PHACTR4: variants seen among roughly 807,000 people sequenced by gnomAD.
PHACTR4 encodes the protein protein phosphatase 1, regulatory subunit 124.
A neutral mutation model predicts 72.7 loss-of-function variants in PHACTR4; 51 were observed. The observed-to-expected ratio is 0.70, with a 90% CI of 0.56 to 0.89. The LOEUF (loss-of-function observed/expected upper bound fraction) is 0.89, where lower values mean the gene tolerates loss of function less well. Among genes scored for constraint, PHACTR4 ranks in the 40% least tolerant of loss-of-function variants. PHACTR4 has a pLI of 0.00. For missense variants in PHACTR4, 731 were observed against 861.8 expected (o/e 0.85, Z 1.90); for synonymous variants, 255 against 302.5 (o/e 0.84, Z 1.63).
intron 1 of PHACTR4, among the ~76,000 whole-genome samples, chr1:28,395,518 C>A (rs1329890954): frequency 2.0e-5 from 3 of 151,836 alleles, no homozygotes; most frequent in African/African-American, 4.8e-5. Context: ...CTATGTTTAA[C>A]AAAGAGGAGG....
chr1:28,451,468 A>G (rs977581960), intron 2 of PHACTR4, among the ~76,000 whole-genome samples: 2 of 145,148 alleles, frequency 1.4e-5, no homozygotes, highest in East Asian at 2.1e-4. Context: ...CACAGGTGCA[A>G]TGATACATAT....
At position 28,369,812 on chromosome 1, in the gene PHACTR4, C is replaced by T. The variant is rs563471550; in HGVS notation, c.-52C>T. The T allele has an allele frequency of 6.3e-5, 29 of 458,216 alleles. No homozygotes were observed. Among genetic ancestry groups the T allele is most frequent in the Non-Finnish European group, 1.2e-4 (27 of 229,192 alleles). The allele number at this position is 458,216 out of a possible 1,614,324, so 28.4% of individuals were successfully genotyped here. The stretch of plus-strand genomic sequence containing the variant: ...GCTGCTGTGGAGGCTGAGGAGGCGG[C>T]GGCGGAGATCTGGGTAAGTTCAGCG... On this transcript the variant is annotated 5_prime_UTR_variant, in exon 1 of 14. Transcript: ENST00000373839.
chr1:28,473,751 C>T lies in PHACTR4; in HGVS notation c.1021C>T (p.Arg341Cys), dbSNP rs139921539. ...GSELLPMISP[R>C]SPSPPLPTHI... ...GGAACTACTACCAATGATCTCACCTCGCTCTCCGTCCCCCCCACTGCCTAC... is the reference window on the plus strand; with the variant it reads ...GGAACTACTACCAATGATCTCACCTTGCTCTCCGTCCCCCCCACTGCCTAC... Residue 341 changes from arginine to cysteine, a missense_variant, in exon 7 of 14, where the codon CGC (arginine) becomes TGC (cysteine). Physicochemically the swap from Arg to Cys is radical, Grantham distance 180. This residue lies in a region of PHACTR4 where 621 missense variants were observed against 676.6 expected (regional missense o/e 0.92). Transcript: ENST00000373839. 315 of 1,614,098 alleles carry T rather than the reference C, an allele frequency of 2.0e-4. 4 individuals carry two copies. In the East Asian group the frequency reaches 6.5e-3, roughly 33 times the overall value.
At chr1:28,475,285 T>C (rs1659852146) in intron 7 of PHACTR4, among the ~76,000 whole-genome samples, 1 of 152,120 alleles carries the variant, frequency 6.6e-6, no homozygotes, top group East Asian at 1.9e-4. Context: ...ATTTTTTTTT[T>C]TTCATGGAGA....
At chr1:28,411,549 T>A (rs568544626) in intron 2 of PHACTR4, among the ~76,000 whole-genome samples, 105 of 152,352 alleles carry the variant, frequency 6.9e-4, no homozygotes, top group Non-Finnish European at 1.3e-3. Flanking sequence ...GATAAGAATT[T>A]GGTGTACTCA....
chr1:28,378,580 C>CCTT (rs1553181675), intron 1 of PHACTR4, among the ~76,000 whole-genome samples: 1 of 63,542 alleles, frequency 1.6e-5, no homozygotes, highest in African/African-American at 4.8e-5. Flanking sequence ...CCCCCCCCCC[C>CCTT]TTTTTTTTTA....
At chr1:28,454,401 C>G (rs1038580781) in intron 2 of PHACTR4, among the ~76,000 whole-genome samples, 257 of 151,402 alleles carry the variant, frequency 1.7e-3, no homozygotes, top group Non-Finnish European at 2.8e-3. Flanking sequence ...CTCAGCCTCC[C>G]TAGTAGCTGG....
intron 2 of PHACTR4, among the ~76,000 whole-genome samples, chr1:28,440,491 G>T (rs1656947790): frequency 7.6e-6 from 1 of 132,364 alleles, no homozygotes; most frequent in South Asian, 2.6e-4. Context: ...CGCCTCCCGG[G>T]TTCACGCCAT....
intron 1 of PHACTR4, among the ~76,000 whole-genome samples, chr1:28,387,869 A>G (rs970216993): frequency 9.9e-5 from 15 of 152,010 alleles, no homozygotes; most frequent in Non-Finnish European, 1.9e-4. Flanking sequence ...CTGGGATTAC[A>G]GGTGCACGCC....
At chr1:28,444,545 GTCT>G (rs562588609) in intron 2 of PHACTR4, among the ~76,000 whole-genome samples, 83 of 151,332 alleles carry the variant, frequency 5.5e-4, no homozygotes, top group African/African-American at 1.9e-3. Context: ...GCATTTTTAT[GTCT>G]TCTTTTGAGA....
chr1:28,457,303 AAG>A lies in PHACTR4; in HGVS notation c.17-1773_17-1772del, dbSNP rs571731503. On this transcript the variant is annotated intron_variant, in intron 2 of 13. Transcript: ENST00000373839. ...CTCTTTTGAAAATACCTAGTTTTAA[AAG>A]AGAGAGAGGCCAGGTGTGGTGGTAC... 23 of 448,214 alleles carry A rather than the reference AAG, an allele frequency of 5.1e-5. 1 individual carries two copies. The highest frequency in any genetic ancestry group is 3.3e-4 in the Middle Eastern group (1 of 3,024). The allele number at this position is 448,214 out of a possible 1,614,324, so 27.8% of individuals were successfully genotyped here. A position where few individuals can be genotyped will look rare whatever the true frequency, so the allele number is the denominator to read the frequency against.
At chr1:28,409,517 A>G (rs1654611916) in intron 2 of PHACTR4, among the ~76,000 whole-genome samples, 1 of 152,202 alleles carries the variant, frequency 6.6e-6, no homozygotes, top group African/African-American at 2.4e-5. Context: ...AAAGAAAAAA[A>G]AGAAATCAGA....
intron 6 of PHACTR4, among the ~76,000 whole-genome samples, chr1:28,469,984 G>C (rs1023500161): frequency 1.3e-5 from 2 of 151,962 alleles, no homozygotes; most frequent in African/African-American, 4.8e-5. Flanking sequence ...ACTTGAACCC[G>C]GGAAGTGGCG....
chr1:28,392,750 GA>G (rs1383131454), intron 1 of PHACTR4, among the ~76,000 whole-genome samples: 7 of 148,612 alleles, frequency 4.7e-5, no homozygotes, highest in African/African-American at 9.9e-5. Context: ...ACTTACTAAG[GA>G]AAAAAAAATC....
At chr1:28,472,724 C>T (rs1659638966) in intron 6 of PHACTR4, among the ~76,000 whole-genome samples, 1 of 151,418 alleles carries the variant, frequency 6.6e-6, no homozygotes, top group Non-Finnish European at 1.5e-5. Context: ...GCCTCAGCCT[C>T]TCCTGAGTAG....
intron 1 of PHACTR4, among the ~76,000 whole-genome samples, chr1:28,398,773 C>T (rs758152349): frequency 7.9e-5 from 12 of 151,922 alleles, no homozygotes; most frequent in African/African-American, 2.4e-4. Flanking sequence ...GAGCCAAGAT[C>T]GCGCTACTGC....
intron 2 of PHACTR4, chr1:28,453,782 C>T (rs1658156183): frequency 6.5e-6 from 6 of 929,860 alleles, no homozygotes; most frequent in Non-Finnish European, 3.5e-6. Flanking sequence ...CAGCAGTTAT[C>T]CACATTGGTG....
chr1:28,424,259 A>G (rs1407029498), intron 2 of PHACTR4, among the ~76,000 whole-genome samples: 1 of 152,018 alleles, frequency 6.6e-6, no homozygotes, highest in Non-Finnish European at 1.5e-5. Context: ...TGGTGTGAAC[A>G]GGGCTCACTG....
intron 1 of PHACTR4, among the ~76,000 whole-genome samples, chr1:28,395,017 G>A (rs1208331693): frequency 6.6e-6 from 1 of 150,986 alleles, no homozygotes; most frequent in African/African-American, 2.4e-5. Flanking sequence ...GGGTTCAAGC[G>A]ATTCTCCTGC....
Sources: allele counts gnomAD v4.1 joint callset (sites outside exome capture counted in the v4.1 genomes callset), GRCh38; gene constraint gnomAD v4.1.1; regional missense constraint gnomAD v4.1.1; transcripts MANE v1.5; gene names NCBI Gene and HGNC (gene_info 2026-07-23, HGNC 2026-07-21).